Variants in NWD2 observed in about 807,000 individuals in gnomAD.
NWD2 encodes NACHT and WD repeat domain containing 2.
A neutral mutation model predicts 132.7 loss-of-function variants in NWD2; 37 were observed. The ratio of observed to expected loss-of-function variants is 0.28; its 90% CI spans 0.21 to 0.37. The LOEUF (loss-of-function observed/expected upper bound fraction) is 0.37. Ranked by LOEUF, NWD2 falls within the 10% of genes least tolerant of loss-of-function variation. NWD2 has a pLI of 1.00. For missense variants in NWD2, 1,592 were observed against 2,122.4 expected (o/e 0.75, Z 4.91); for synonymous variants, 705 against 803.0 (o/e 0.88, Z 2.06).
At chr4:37,426,017 G>A (rs942977686) in intron 3 of NWD2, among the ~76,000 whole-genome samples, 16 of 152,324 alleles carry the variant, frequency 1.1e-4, no homozygotes, top group Non-Finnish European at 1.8e-4. Context: ...TCCATTGACC[G>A]TATGAGCTGG....
chr4:37,392,381 C>T (rs1210704642), intron 3 of NWD2, among the ~76,000 whole-genome samples: 3 of 152,080 alleles, frequency 2.0e-5, no homozygotes, highest in Non-Finnish European at 4.4e-5. Flanking sequence ...ATCCGGGTTT[C>T]CCAGCCTCAG....
At chr4:37,260,372 G>C (rs1717604728) in intron 1 of NWD2, among the ~76,000 whole-genome samples, 2 of 152,134 alleles carry the variant, frequency 1.3e-5, no homozygotes, top group African/African-American at 4.8e-5. Context: ...CTGCAGTATT[G>C]CATTATTCCA....
chr4:37,305,589 G>T (rs1322573507), intron 1 of NWD2, among the ~76,000 whole-genome samples: 1 of 152,154 alleles, frequency 6.6e-6, no homozygotes, highest in Non-Finnish European at 1.5e-5. Context: ...TTTGGCCTGT[G>T]GTTTTAGTCT....
chr4:37,248,953 T>C (rs899459440), intron 1 of NWD2, among the ~76,000 whole-genome samples: 2 of 152,186 alleles, frequency 1.3e-5, no homozygotes, highest in Non-Finnish European at 2.9e-5. Flanking sequence ...ACAACCCATG[T>C]CGGATATGAA....
intron 1 of NWD2, among the ~76,000 whole-genome samples, chr4:37,260,256 G>A (rs1717601864): frequency 6.6e-6 from 1 of 152,154 alleles, no homozygotes; most frequent in East Asian, 1.9e-4. Flanking sequence ...TCTACTTCTG[G>A]TTTATACAGT....
chr4:37,271,084 T>C (rs979603469), intron 1 of NWD2, among the ~76,000 whole-genome samples: 7 of 151,860 alleles, frequency 4.6e-5, no homozygotes, highest in African/African-American at 1.7e-4. Flanking sequence ...AGACTCAGTC[T>C]TGTTCCATTG....
At chr4:37,386,626 C>T (rs1465465788) in intron 3 of NWD2, among the ~76,000 whole-genome samples, 1 of 152,112 alleles carries the variant, frequency 6.6e-6, no homozygotes, top group Non-Finnish European at 1.5e-5. Flanking sequence ...TCTGTATGTC[C>T]AGAGCAGAAT....
intron 3 of NWD2, among the ~76,000 whole-genome samples, chr4:37,360,213 T>C (rs1560403849): frequency 6.6e-6 from 1 of 152,200 alleles, no homozygotes; most frequent in Non-Finnish European, 1.5e-5. Context: ...ATGTATGAGT[T>C]CTTTGTAAAC....
At chr4:37,277,034 GA>G in intron 1 of NWD2, among the ~76,000 whole-genome samples, 1 of 151,920 alleles carries the variant, frequency 6.6e-6, no homozygotes, top group Middle Eastern at 3.4e-3. Flanking sequence ...ACCTAGTGTT[GA>G]ATGACGAGTT....
intron 1 of NWD2, among the ~76,000 whole-genome samples, chr4:37,245,541 C>A (rs1717221548): frequency 1.4e-5 from 2 of 141,170 alleles, no homozygotes; most frequent in African/African-American, 2.6e-5. Flanking sequence ...CACCTCCTGT[C>A]CCCCGCCCTT....
intron 3 of NWD2, among the ~76,000 whole-genome samples, chr4:37,379,879 G>A (rs1720418638): frequency 6.6e-6 from 1 of 152,094 alleles, no homozygotes; most frequent in Non-Finnish European, 1.5e-5. Context: ...AATACAACTG[G>A]AAGCCCACTG....
rs1437668367 is a variant in NWD2 at position 37,444,932 on chromosome 4, G to A, written c.2944G>A (p.Val982Ile). 6.4e-7 allele frequency: 1 copy of A among 1,552,260 alleles called. No homozygotes were observed. Among genetic ancestry groups the A allele is most frequent in the South Asian group, 1.2e-5 (1 of 84,052 alleles). ...CCTGCCTACCTGTAACCCCAGCACT[G>A]TCCTCACAGCTTTAGAAAATGGTTC... is the stretch of plus-strand genomic sequence containing the variant. Reference protein sequence around the residue: ...EILPTCNPSTVLTALENGSIS... With the variant: ...EILPTCNPSTILTALENGSIS... Residue 982 changes from valine (V) to isoleucine (I), a missense_variant, in exon 7 of 7, where the codon GTC becomes ATC. Transcript: ENST00000309447. This position sits in a 1 kb window ranked among gnomAD's most constrained non-coding sequence, Gnocchi z 4.8.
intron 1 of NWD2, among the ~76,000 whole-genome samples, chr4:37,266,047 T>G (rs1033538746): frequency 3.3e-5 from 5 of 152,120 alleles, no homozygotes; most frequent in African/African-American, 4.8e-5. Context: ...TCATTCCTTC[T>G]GGCTACCGTC....
chr4:37,342,709 G>T (rs1719552199), intron 2 of NWD2, among the ~76,000 whole-genome samples: 1 of 152,090 alleles, frequency 6.6e-6, no homozygotes, highest in Non-Finnish European at 1.5e-5. Flanking sequence ...CATGGTCAAG[G>T]GTTCAGTTCT....
intron 3 of NWD2, among the ~76,000 whole-genome samples, chr4:37,361,050 A>G (rs189410940): frequency 6.6e-6 from 1 of 152,296 alleles, no homozygotes; most frequent in East Asian, 1.9e-4. Flanking sequence ...TATTATGAAC[A>G]CATCTATGCA....
intron 2 of NWD2, among the ~76,000 whole-genome samples, chr4:37,355,685 G>C (rs1719856935): frequency 6.6e-6 from 1 of 152,202 alleles, no homozygotes; most frequent in Non-Finnish European, 1.5e-5. Context: ...GTGAACTTGT[G>C]AAAGTTTGTT....
Position 37,439,840 on chromosome 4 carries a change from G to A in NWD2, c.1296+450G>A, listed in dbSNP as rs1397085001. Reference sequence around the variant, plus strand: ...CCCATCTGGGGCCTCTCATAAACAAGGCACCTACAGTGGGAAATGGGGATC... The same window carrying A: ...CCCATCTGGGGCCTCTCATAAACAAAGCACCTACAGTGGGAAATGGGGATC... On this transcript the variant is annotated intron_variant, in intron 6 of 6. Coordinates refer to ENST00000309447, the MANE Select transcript of NWD2 (RefSeq NM_001144990.2). The surrounding 1 kb of genome is among the most constrained non-coding windows in gnomAD (Gnocchi z 4.5). Among the ~76,000 whole-genome samples the A allele has an allele frequency of 9.2e-5, 14 of 152,172 alleles. No individual in the cohort carries two copies. The highest frequency in any genetic ancestry group is 9.2e-4 in the Admixed American group (14 of 15,266).
intron 3 of NWD2, among the ~76,000 whole-genome samples, chr4:37,414,619 A>G (rs1431045854): frequency 6.6e-6 from 1 of 152,210 alleles, no homozygotes; most frequent in African/African-American, 2.4e-5. Flanking sequence ...GCTGGCTTGC[A>G]TAGTTTCTCA....
chr4:37,424,436 C>T (rs1434409634), intron 3 of NWD2, among the ~76,000 whole-genome samples: 1 of 152,144 alleles, frequency 6.6e-6, no homozygotes, highest in East Asian at 1.9e-4. Flanking sequence ...AGTGTCTCTC[C>T]CTACTTCACA....
Sources: allele counts gnomAD v4.1 joint callset (sites outside exome capture counted in the v4.1 genomes callset), GRCh38; gene constraint gnomAD v4.1.1; non-coding constraint Gnocchi (gnomAD v3.1); transcripts MANE v1.5; gene names NCBI Gene and HGNC (gene_info 2026-07-23, HGNC 2026-07-21).